SEM1: variants seen among roughly 807,000 people sequenced by gnomAD.
SEM1 encodes the protein 26S proteasome complex subunit SEM1.
SEM1 carries 3 observed loss-of-function variants against 12.7 expected under a neutral mutation model. The ratio of observed to expected loss-of-function variants is 0.24; its 90% CI spans 0.11 to 0.61. The LOEUF (loss-of-function observed/expected upper bound fraction) is 0.61, where lower values mean the gene tolerates loss of function less well. Ranked by LOEUF, SEM1 falls within the 20% of genes least tolerant of loss-of-function variation. The probability of loss-of-function intolerance (pLI) is 0.88; values close to 1 mark genes in which losing one functional copy is unlikely to be tolerated. For missense variants in SEM1, 59 were observed against 81.3 expected, an observed-to-expected ratio of 0.73 and a Z score of 1.06; for synonymous variants, 30 against 27.8, an observed-to-expected ratio of 1.08 and a Z score of -0.25.
At chr7:96,673,271 A>G (rs1322730785), downstream of SEM1, 1 of 155,162 alleles carries the variant, frequency 6.4e-6, no homozygotes, top group African/African-American at 2.4e-5. Context: ...ATGCACCACC[A>G]TGCCTGGCTA....
chr7:96,576,100 A>G lies in SEM1; in HGVS notation c.171-69402T>C, dbSNP rs1004453333. Among the ~76,000 whole-genome samples, 6 of 152,206 alleles carry G rather than the reference A, an allele frequency of 3.9e-5. No individual in the cohort carries two copies. In the East Asian group the frequency reaches 1.2e-3, roughly 29 times the overall value. On this transcript the variant is annotated intron_variant and NMD_transcript_variant, in intron 2 of 3. Transcript: ENST00000466986. Reference sequence around the variant, plus strand: ...TACAATGCCTTCTTAGTTTTATGTAATATTTCTTTGCTGTGAATTCAATCT... The same window carrying G: ...TACAATGCCTTCTTAGTTTTATGTAGTATTTCTTTGCTGTGAATTCAATCT...
At chr7:96,539,673 A>G (rs1382253658) in intron 2 of SEM1, among the ~76,000 whole-genome samples, 1 of 151,750 alleles carries the variant, frequency 6.6e-6, no homozygotes, top group Non-Finnish European at 1.5e-5. Context: ...AAAGGATGCA[A>G]TATCCTTGGA....
intron 2 of SEM1, among the ~76,000 whole-genome samples, chr7:96,651,959 C>T (rs1809003632): frequency 6.6e-6 from 1 of 152,178 alleles, no homozygotes; most frequent in Non-Finnish European, 1.5e-5. Context: ...GGCTTTAGAG[C>T]AGAGCAGATG....
intron 2 of SEM1, among the ~76,000 whole-genome samples, chr7:96,517,929 A>G (rs1804146623): frequency 6.6e-6 from 1 of 152,178 alleles, no homozygotes; most frequent in South Asian, 2.1e-4. Flanking sequence ...GTATATATGT[A>G]GATGGAGAGG....
chr7:96,493,198 T>C (rs1348797422), intron 1 of SEM1, among the ~76,000 whole-genome samples: 2 of 152,082 alleles, frequency 1.3e-5, no homozygotes, highest in East Asian at 3.9e-4. Flanking sequence ...CTCCTGACTT[T>C]AAGTAATCTG....
chr7:96,496,436 C>G (rs1014752663), upstream of SEM1: 10 of 582,304 alleles, frequency 1.7e-5, no homozygotes, highest in Non-Finnish European at 3.0e-5. Flanking sequence ...TTTATACTGC[C>G]CCCCCCAACA....
chr7:96,540,127 AG>A (rs1804901520), intron 2 of SEM1, among the ~76,000 whole-genome samples: 2 of 151,616 alleles, frequency 1.3e-5, no homozygotes, highest in African/African-American at 4.8e-5. Flanking sequence ...CAGTAGCACT[AG>A]CACAGAGAAT....
At chr7:96,597,687 A>G (rs1031109232) in intron 2 of SEM1, among the ~76,000 whole-genome samples, 3 of 151,174 alleles carry the variant, frequency 2.0e-5, no homozygotes, top group Admixed American at 1.3e-4. Context: ...ATATATATAT[A>G]TATATATACA....
chr7:96,691,102 C>A (rs907708040), intron 2 of SEM1, among the ~76,000 whole-genome samples: 1 of 152,016 alleles, frequency 6.6e-6, no homozygotes, highest in African/African-American at 2.4e-5. Context: ...TTATGTAAGA[C>A]GTGAAATAGG....
chr7:96,667,252 C>T (rs1396957631), intron 2 of SEM1, among the ~76,000 whole-genome samples: 1 of 152,134 alleles, frequency 6.6e-6, no homozygotes, highest in Admixed American at 6.6e-5. Context: ...ATAGCCACAG[C>T]CTCAAGACCA....
chr7:96,522,586 A>T (rs1249664628), intron 2 of SEM1, among the ~76,000 whole-genome samples: 1 of 150,066 alleles, frequency 6.7e-6, no homozygotes, highest in Non-Finnish European at 1.5e-5. Flanking sequence ...AAAAAAAAAG[A>T]TGTTGTTGGG....
At chr7:96,596,700 TC>T (rs1807008333) in intron 2 of SEM1, among the ~76,000 whole-genome samples, 1 of 152,086 alleles carries the variant, frequency 6.6e-6, no homozygotes, top group Admixed American at 6.6e-5. Flanking sequence ...CACTCAGAAG[TC>T]ACGTGCTAAA....
intron 2 of SEM1, among the ~76,000 whole-genome samples, chr7:96,569,989 C>T (rs1032395845): frequency 2.0e-5 from 3 of 151,850 alleles, no homozygotes; most frequent in Non-Finnish European, 4.4e-5. Context: ...GCTAGAAATA[C>T]GAGTGCAGGT....
At chr7:96,591,681 A>G (rs1806833025) in intron 2 of SEM1, among the ~76,000 whole-genome samples, 1 of 152,202 alleles carries the variant, frequency 6.6e-6, no homozygotes, top group Admixed American at 6.5e-5. Context: ...TAAACAATTT[A>G]TAGTTCCTTA....
At chr7:96,604,817 G>A (rs1453340231) in intron 2 of SEM1, among the ~76,000 whole-genome samples, 4 of 152,024 alleles carry the variant, frequency 2.6e-5, no homozygotes, top group Admixed American at 6.6e-5. Flanking sequence ...TACTCAGGAC[G>A]CTGAGGCTTG....
At chr7:96,630,600 G>A (rs1411222485) in intron 2 of SEM1, among the ~76,000 whole-genome samples, 4 of 152,198 alleles carry the variant, frequency 2.6e-5, no homozygotes, top group Admixed American at 2.0e-4. Context: ...TGGGGACCCT[G>A]AGAGTCCTCT....
upstream of SEM1, among the ~76,000 whole-genome samples, chr7:96,499,776 G>A (rs1022345147): frequency 6.6e-6 from 1 of 152,162 alleles, no homozygotes; most frequent in African/African-American, 2.4e-5. Flanking sequence ...TTGTAGGCTA[G>A]ATGCATTGCT....
At chr7:96,580,554 C>A (rs1400012696) in intron 2 of SEM1, among the ~76,000 whole-genome samples, 12 of 152,104 alleles carry the variant, frequency 7.9e-5, no homozygotes, top group Admixed American at 6.6e-4. Context: ...CACTGACTTC[C>A]ACAATGGTTG....
intron 2 of SEM1, among the ~76,000 whole-genome samples, chr7:96,676,188 C>G (rs1789445358): frequency 6.6e-6 from 1 of 152,152 alleles, no homozygotes; most frequent in African/African-American, 2.4e-5. Flanking sequence ...TGGCCCTGCC[C>G]TTGACCCATA....
Sources: gnomAD v4.1 joint callset for allele counts (sites outside exome capture counted in the v4.1 genomes callset) on GRCh38, gnomAD v4.1.1 for gene constraint, MANE v1.5 for transcripts, NCBI Gene and HGNC (gene_info 2026-07-23, HGNC 2026-07-21) for gene names.